Variants in ABI3BP observed in about 807,000 individuals in gnomAD.
ABI3BP encodes ABI family member 3 binding protein.
In ABI3BP, 216 loss-of-function variants were observed where a neutral mutation model predicts 268.6. The observed-to-expected ratio is 0.80, with a 90% confidence interval of 0.72 to 0.90. The LOEUF (loss-of-function observed/expected upper bound fraction) is 0.90, where lower values mean the gene tolerates loss of function less well. Among genes scored for constraint, ABI3BP ranks in the 40% least tolerant of loss-of-function variants. The pLI, the probability that ABI3BP is intolerant of heterozygous loss-of-function variation, is 0.00. For missense variants in ABI3BP, 2,090 were observed against 2,182.4 expected (o/e 0.96, Z 0.84); for synonymous variants, 730 against 730.0 (o/e 1.00, Z 0.00).
chr3:100,917,461 A>G (rs1429154506), intron 2 of ABI3BP, among the ~76,000 whole-genome samples: 1 of 152,172 alleles, frequency 6.6e-6, no homozygotes, highest in Non-Finnish European at 1.5e-5. Context: ...AAAAAATTCT[A>G]AAGTTTAAAT....
At chr3:100,837,255 G>A in intron 26 of ABI3BP, 84 bp from the exon 27 acceptor site, 1 of 1,060,986 alleles carries the variant, frequency 9.4e-7, no homozygotes, top group Non-Finnish European at 1.3e-6. Flanking sequence ...TTAATTCAGA[G>A]GACACAGAGT....
chr3:100,753,086 G>A, intron 65 of ABI3BP, 138 bp from the exon 66 acceptor site: 2 of 703,580 alleles, frequency 2.8e-6, no homozygotes, highest in Admixed American at 2.9e-5. Context: ...AATATTAGAG[G>A]GATTTAAACA....
chr3:100,889,570 C>A (rs112771451), intron 4 of ABI3BP, among the ~76,000 whole-genome samples: 26 of 152,206 alleles, frequency 1.7e-4, no homozygotes, highest in African/African-American at 6.0e-4. Flanking sequence ...CACAAGTGCA[C>A]ACAGAGGCAA....
intron 14 of ABI3BP, among the ~76,000 whole-genome samples, chr3:100,857,557 T>C (rs1488928957): frequency 1.3e-5 from 2 of 152,324 alleles, no homozygotes; most frequent in East Asian, 3.9e-4. Flanking sequence ...TCACAGATCA[T>C]GTGATGTTTC....
intron 2 of ABI3BP, among the ~76,000 whole-genome samples, chr3:100,922,765 T>C (rs574837301): frequency 6.2e-4 from 94 of 152,258 alleles, no homozygotes; most frequent in South Asian, 1.9e-3. Context: ...GTGAGACCCA[T>C]GTTGGATTTC....
At chr3:100,984,338 G>A (rs1308755196) in intron 1 of ABI3BP, among the ~76,000 whole-genome samples, 4 of 152,104 alleles carry the variant, frequency 2.6e-5, no homozygotes, top group Non-Finnish European at 4.4e-5. Context: ...AGAAAATATT[G>A]AATTGCTATG....
chr3:100,861,809 G>A (rs1241439474), intron 14 of ABI3BP, among the ~76,000 whole-genome samples: 3 of 152,148 alleles, frequency 2.0e-5, no homozygotes, highest in Non-Finnish European at 2.9e-5. Context: ...TGGAACCAAG[G>A]TCTATTATCA....
intron 1 of ABI3BP, among the ~76,000 whole-genome samples, chr3:100,953,471 A>G (rs2075807567): frequency 6.6e-6 from 1 of 152,214 alleles, no homozygotes. Flanking sequence ...ATCACCCATC[A>G]GTAGTGAGGG....
chr3:100,872,715 G>T (rs1244489507), intron 9 of ABI3BP, among the ~76,000 whole-genome samples: 1 of 152,146 alleles, frequency 6.6e-6, no homozygotes, highest in African/African-American at 2.4e-5. Context: ...ATCCACTGAG[G>T]GATCTTAATT....
intron 1 of ABI3BP, among the ~76,000 whole-genome samples, chr3:100,974,558 G>A (rs1306652737): frequency 6.6e-6 from 1 of 152,136 alleles, no homozygotes; most frequent in East Asian, 1.9e-4. Flanking sequence ...ACTATAGGGA[G>A]AGAAATCAGA....
In ABI3BP at chr3:100,968,793, A is replaced by T. The variant is rs1489418400; in HGVS notation, c.79+24513T>A. On this transcript the variant is annotated intron_variant, in intron 1 of 67. Coordinates refer to ENST00000471714, the MANE Select transcript of ABI3BP (RefSeq NM_001375547.2). The stretch of plus-strand genomic sequence containing the variant: ...CTATGGTGGTTTGCTGCACCCATCA[A>T]CCCGTCATCTGCATTAAGTATTTCT... Among the ~76,000 whole-genome samples the T allele has an allele frequency of 5.3e-5, 8 of 152,198 alleles. No individual in the cohort carries two copies. The East Asian group carries it at 1.5e-3, about 29-fold the overall frequency.
At chr3:100,947,688 G>T (rs1281382808) in intron 1 of ABI3BP, among the ~76,000 whole-genome samples, 1 of 151,988 alleles carries the variant, frequency 6.6e-6, no homozygotes, top group Non-Finnish European at 1.5e-5. Context: ...TAATTTAAAT[G>T]GTAAGAAAGA....
At chr3:100,862,016 T>G (rs897800302) in intron 14 of ABI3BP, among the ~76,000 whole-genome samples, 1 of 152,258 alleles carries the variant, frequency 6.6e-6, no homozygotes, top group Admixed American at 6.5e-5. Context: ...ATTTTGGTAC[T>G]GTTTTCCTGT....
At chr3:100,798,184 G>A (rs2097409444) in intron 51 of ABI3BP, among the ~76,000 whole-genome samples, 2 of 152,158 alleles carry the variant, frequency 1.3e-5, no homozygotes, top group African/African-American at 4.8e-5. Flanking sequence ...TGCTGCTCTA[G>A]TTTACTGAGG....
intron 63 of ABI3BP, among the ~76,000 whole-genome samples, chr3:100,764,169 A>C (rs2096137830): frequency 6.6e-6 from 1 of 152,190 alleles, no homozygotes; most frequent in African/African-American, 2.4e-5. Context: ...TAATCACCTG[A>C]CTAGCTCCTT....
intron 59 of ABI3BP, among the ~76,000 whole-genome samples, chr3:100,778,079 T>G (rs2096758105): frequency 6.6e-6 from 1 of 152,232 alleles, no homozygotes; most frequent in Non-Finnish European, 1.5e-5. Flanking sequence ...CTTGCCTAGA[T>G]GCAGAGGCAT....
intron 2 of ABI3BP, among the ~76,000 whole-genome samples, chr3:100,913,840 G>A (rs1161477621): frequency 6.6e-6 from 1 of 152,154 alleles, no homozygotes; most frequent in African/African-American, 2.4e-5. Flanking sequence ...AGCTATAAGA[G>A]GCTGAGGATT....
At chr3:100,945,500 C>A in intron 1 of ABI3BP, 1 of 276,130 alleles carries the variant, frequency 3.6e-6, no homozygotes. Flanking sequence ...AATAGTAAAT[C>A]TCTCTGTTCC....
intron 6 of ABI3BP, among the ~76,000 whole-genome samples, chr3:100,878,653 T>A (rs2099189056): frequency 6.6e-6 from 1 of 152,188 alleles, no homozygotes; most frequent in South Asian, 2.1e-4. Flanking sequence ...CCCTTTTGGC[T>A]TTATTATAAA....
Sources: gnomAD v4.1 joint callset for allele counts (sites outside exome capture counted in the v4.1 genomes callset) on GRCh38, gnomAD v4.1.1 for gene constraint, MANE v1.5 for transcripts, NCBI Gene and HGNC (gene_info 2026-07-23, HGNC 2026-07-21) for gene names.